The following MAF variants were observed in gnomAD, a reference collection of about 807,000 sequenced individuals.
MAF encodes the protein transcription factor Maf.
A neutral mutation model predicts 22.0 loss-of-function variants in MAF; 10 were observed. The observed-to-expected ratio is 0.45, with a 90% CI of 0.28 to 0.77. The LOEUF is 0.77. Ranked by LOEUF, MAF falls within the 30% of genes least tolerant of loss-of-function variation. The pLI is 0.12. For synonymous variants in MAF, 337 were observed against 255.8 expected (o/e 1.32, Z -3.03); for missense variants, 544 against 548.4 (o/e 0.99, Z 0.08).
At chr16:79,349,922 A>T in the MAF span, among the ~76,000 whole-genome samples, 2 of 152,126 alleles carry the variant, frequency 1.3e-5, no homozygotes, top group African/African-American at 4.8e-5. Context: ...TGAACTTTTC[A>T]TCGTTTTCCA....
rs906025256 is a variant in MAF, at chr16:79,598,169, T to C, written c.1118+616A>G. Reference sequence around the variant, plus strand: ...GGAGAAGAAAAAAAAACTTTGCTTTTTTTTTTCTTTCATCTCGGAAGAGAT... The same window carrying C: ...GGAGAAGAAAAAAAAACTTTGCTTTCTTTTTTCTTTCATCTCGGAAGAGAT... On this transcript the variant is annotated intron_variant, in intron 1 of 1. Transcript: ENST00000326043. 3.1e-5 allele frequency: 33 copies of C among 1,051,806 alleles called. No homozygotes were observed. In the East Asian group the frequency reaches 7.6e-4, roughly 24 times the overall value. 65.2% of individuals were successfully genotyped at this position (1,051,806 alleles called of 1,614,324 possible). A position where few individuals can be genotyped will look rare whatever the true frequency, so the allele number is the denominator to read the frequency against.
In MAF at chr16:79,599,661, C is replaced by T. The variant is rs1913877571; in HGVS notation, c.242G>A (p.Gly81Asp). 1.9e-6 allele frequency: 3 copies of T among 1,611,964 alleles called. No homozygotes were observed. Among genetic ancestry groups the T allele is most frequent in the Non-Finnish European group, 2.5e-6 (3 of 1,179,624 alleles). Residue 81 changes from glycine to aspartate, a missense_variant, in exon 1 of 2, where the codon GGC becomes GAC. This residue lies in a region of MAF where 342 missense variants were observed against 315.5 expected (regional missense o/e 1.08). Coordinates refer to ENST00000326043, the MANE Select transcript of MAF (RefSeq NM_005360.5). ...TTCCAGGTGCGCCTTCTGCTCGCTGCCCGAGCCCGGGCTGGGCGCCGAGAA... is the reference window on the plus strand; with the variant it reads ...TTCCAGGTGCGCCTTCTGCTCGCTGTCCGAGCCCGGGCTGGGCGCCGAGAA... Reference protein sequence around the residue: ...PSFSAPSPGSGSEQKAHLEDY... With the variant: ...PSFSAPSPGSDSEQKAHLEDY...
At chr16:79,587,097 C>T (rs1912890671) in intron 1 of MAF, among the ~76,000 whole-genome samples, 1 of 152,144 alleles carries the variant, frequency 6.6e-6, no homozygotes, top group East Asian at 1.9e-4. Flanking sequence ...CTTCAAATGC[C>T]CTTTATCTAA....
the MAF span, among the ~76,000 whole-genome samples, chr16:79,361,723 T>TAAAC: frequency 0.44 from 66,697 of 151,872 alleles, 16,183 homozygotes; most frequent in Non-Finnish European, 0.57. Flanking sequence ...TTTGGTGGTC[T>TAAAC]TTCATCTCCC....
chr16:79,328,867 C>A, the MAF span, among the ~76,000 whole-genome samples: 1 of 152,286 alleles, frequency 6.6e-6, no homozygotes, highest in Admixed American at 6.5e-5. Context: ...TAGTTTTCTG[C>A]CAAGGCGTTT....
the MAF span, among the ~76,000 whole-genome samples, chr16:79,238,511 C>G: frequency 6.6e-6 from 1 of 151,966 alleles, no homozygotes; most frequent in African/African-American, 2.4e-5. Context: ...ACATAACACT[C>G]ACTTAGTGCT....
At chr16:79,405,316 C>G in the MAF span, among the ~76,000 whole-genome samples, 1 of 152,160 alleles carries the variant, frequency 6.6e-6, no homozygotes, top group Non-Finnish European at 1.5e-5. Flanking sequence ...ACTTCATCCT[C>G]TGGGTGAAGA....
the MAF span, among the ~76,000 whole-genome samples, chr16:79,385,734 C>T: frequency 2.0e-5 from 3 of 151,992 alleles, no homozygotes; most frequent in Admixed American, 6.6e-5. Context: ...AACCCTGTCT[C>T]TACTAAAAAT....
chr16:79,475,397 G>A, the MAF span, among the ~76,000 whole-genome samples: 1 of 121,832 alleles, frequency 8.2e-6, no homozygotes, highest in African/African-American at 2.7e-5. Flanking sequence ...CAAGAAAGAA[G>A]TAGATTTGGG....
chr16:79,450,947 C>T, the MAF span, among the ~76,000 whole-genome samples: 1 of 151,818 alleles, frequency 6.6e-6, no homozygotes, highest in Non-Finnish European at 1.5e-5. Flanking sequence ...CTGATGTCTC[C>T]TTTTTTCACG....
the MAF span, among the ~76,000 whole-genome samples, chr16:79,370,149 A>G: frequency 6.6e-6 from 1 of 152,196 alleles, no homozygotes; most frequent in Non-Finnish European, 1.5e-5. Context: ...TGGCTAAAGT[A>G]TACTTGGAGA....
the MAF span, among the ~76,000 whole-genome samples, chr16:79,468,328 G>C: frequency 6.6e-6 from 1 of 152,182 alleles, no homozygotes; most frequent in Non-Finnish European, 1.5e-5. Context: ...GCACTGGGGG[G>C]ATGCCCCTGC....
the MAF span, among the ~76,000 whole-genome samples, chr16:79,283,457 A>T: frequency 6.6e-6 from 1 of 152,226 alleles, no homozygotes; most frequent in Non-Finnish European, 1.5e-5. Context: ...TGTATTTTAA[A>T]AAGATCCTCA....
chr16:79,342,628 CACT>C, the MAF span, among the ~76,000 whole-genome samples: 4,737 of 152,044 alleles, frequency 0.031, 91 homozygotes, highest in Non-Finnish European at 0.044. Context: ...CCATCACCAC[CACT>C]GTCACCATTA....
At chr16:79,244,083 T>A in the MAF span, among the ~76,000 whole-genome samples, 5 of 152,062 alleles carry the variant, frequency 3.3e-5, no homozygotes, top group Non-Finnish European at 7.4e-5. Flanking sequence ...ATAAGAGCTA[T>A]TTATGACAAA....
At chr16:79,420,083 G>T in the MAF span, among the ~76,000 whole-genome samples, 9 of 151,586 alleles carry the variant, frequency 5.9e-5, no homozygotes, top group Non-Finnish European at 1.3e-4. Flanking sequence ...AAGTGACTGT[G>T]GCCAGCACCT....
At chr16:79,541,627 C>G in the MAF span, among the ~76,000 whole-genome samples, 1 of 151,866 alleles carries the variant, frequency 6.6e-6, no homozygotes, top group Non-Finnish European at 1.5e-5. Context: ...TCTACCAGGG[C>G]CCTTGTTACC....
the MAF span, among the ~76,000 whole-genome samples, chr16:79,261,433 A>T: frequency 6.6e-6 from 1 of 152,192 alleles, no homozygotes; most frequent in African/African-American, 2.4e-5. Flanking sequence ...GATTACGGGC[A>T]TGAGCCACCA....
At chr16:79,354,300 C>T in the MAF span, among the ~76,000 whole-genome samples, 1 of 152,036 alleles carries the variant, frequency 6.6e-6, no homozygotes, top group Non-Finnish European at 1.5e-5. Context: ...CCACAGTAAA[C>T]AGATGGATTC....
Sources: allele counts gnomAD v4.1 joint callset (sites outside exome capture counted in the v4.1 genomes callset), GRCh38; gene constraint gnomAD v4.1.1; regional missense constraint gnomAD v4.1.1; transcripts MANE v1.5; gene names NCBI Gene and HGNC (gene_info 2026-07-23, HGNC 2026-07-21).